SULF1: variants seen among roughly 807,000 people sequenced by gnomAD.
SULF1 encodes the protein sulfatase 1.
A neutral mutation model predicts 110.5 loss-of-function variants in SULF1; 46 were observed. The ratio of observed to expected loss-of-function variants is 0.42; its 90% CI spans 0.33 to 0.53. The LOEUF (loss-of-function observed/expected upper bound fraction) is 0.53, where lower values mean the gene tolerates loss of function less well. Among genes scored for constraint, SULF1 ranks in the 20% least tolerant of loss-of-function variants. The pLI is 0.12. For missense variants in SULF1, 941 were observed against 1,094.2 expected, an observed-to-expected ratio of 0.86 and a Z score of 1.98; for synonymous variants, 371 against 387.1, an observed-to-expected ratio of 0.96 and a Z score of 0.49.
intron 3 of SULF1, among the ~76,000 whole-genome samples, chr8:69,510,699 C>T (rs1201882356): frequency 2.0e-5 from 3 of 151,366 alleles, no homozygotes; most frequent in Non-Finnish European, 1.5e-5. Flanking sequence ...TCACTGCAAC[C>T]TCCGCCTCCT....
intron 3 of SULF1, among the ~76,000 whole-genome samples, chr8:69,532,753 T>G (rs1365345396): frequency 1.3e-5 from 2 of 152,192 alleles, no homozygotes; most frequent in African/African-American, 4.8e-5. Flanking sequence ...GTGCAATAGA[T>G]CTCTAGAACT....
chr8:69,588,606 A>G (rs1806638628), intron 7 of SULF1, among the ~76,000 whole-genome samples: 3 of 152,222 alleles, frequency 2.0e-5, no homozygotes, highest in African/African-American at 4.8e-5. Flanking sequence ...CCAAGGAATT[A>G]CATCAATGAA....
At chr8:69,618,632 T>G (rs1809365238) in intron 13 of SULF1, among the ~76,000 whole-genome samples, 1 of 152,162 alleles carries the variant, frequency 6.6e-6, no homozygotes, top group Non-Finnish European at 1.5e-5. Flanking sequence ...ATGAAGATGC[T>G]AAACGTTCAA....
At chr8:69,576,296 T>C in intron 6 of SULF1, 87 bp downstream of exon 6, 1 of 1,459,626 alleles carries the variant, frequency 6.9e-7, no homozygotes, top group South Asian at 1.3e-5. Flanking sequence ...TGCATGAAGT[T>C]CCAACAAATA....
At chr8:69,620,204 T>C (rs2130542229) in intron 13 of SULF1, among the ~76,000 whole-genome samples, 1 of 152,272 alleles carries the variant, frequency 6.6e-6, no homozygotes, top group South Asian at 2.1e-4. Flanking sequence ...ACGTTCCTCT[T>C]CTGTCTTTCT....
intron 1 of SULF1, among the ~76,000 whole-genome samples, chr8:69,485,481 G>A (rs1809667639): frequency 6.6e-6 from 1 of 152,170 alleles, no homozygotes; most frequent in Non-Finnish European, 1.5e-5. Flanking sequence ...TCACTCCCTT[G>A]GCTGTCTGTC....
chr8:69,630,542 G>A (rs972288645), intron 19 of SULF1, among the ~76,000 whole-genome samples: 9 of 152,014 alleles, frequency 5.9e-5, no homozygotes, highest in African/African-American at 2.2e-4. Flanking sequence ...TTGATTTCAG[G>A]GTCCATGTTT....
Position 69,647,852 on chromosome 8 carries a change from A to G in SULF1, c.2585+7011A>G, listed in dbSNP as rs550616891. 5.3e-5 allele frequency among the ~76,000 whole-genome samples: 8 copies of G among 152,090 alleles called. No individual in the cohort carries two copies. The South Asian group carries it at 1.7e-3, about 32-fold the overall frequency. ...GGTTGCAATGAGCCAAGATCGCGCC[A>G]TTGCACTCCAGCCTGGGCAACAAGA... On this transcript the variant is annotated intron_variant, in intron 22 of 22. Coordinates refer to ENST00000402687, the MANE Select transcript of SULF1 (RefSeq NM_001128205.2).
At chr8:69,535,752 C>G (rs1436101185) in intron 3 of SULF1, among the ~76,000 whole-genome samples, 1 of 152,124 alleles carries the variant, frequency 6.6e-6, no homozygotes, top group Admixed American at 6.5e-5. Context: ...CCATAAGAGG[C>G]CGGGTGAGAT....
At chr8:69,536,554 T>C (rs1813440844) in intron 3 of SULF1, among the ~76,000 whole-genome samples, 1 of 152,198 alleles carries the variant, frequency 6.6e-6, no homozygotes, top group Non-Finnish European at 1.5e-5. Context: ...GTACATTTGG[T>C]TGGAGGGATG....
chr8:69,603,703 C>T (rs371713347), intron 12 of SULF1, 47 bp downstream of exon 12: 2 of 1,264,954 alleles, frequency 1.6e-6, no homozygotes, highest in Non-Finnish European at 2.3e-6. Context: ...TCCTAGTGGG[C>T]AGCTTTCCCT....
intron 3 of SULF1, among the ~76,000 whole-genome samples, chr8:69,541,147 A>T (rs1813824755): frequency 6.6e-6 from 1 of 152,178 alleles, no homozygotes; most frequent in Non-Finnish European, 1.5e-5. Flanking sequence ...GGAAGAAAGG[A>T]TAATGTCTCC....
chr8:69,630,724 A>G (rs573389544), intron 19 of SULF1, among the ~76,000 whole-genome samples: 176 of 152,362 alleles, frequency 1.2e-3, no homozygotes, highest in African/African-American at 4.1e-3. Flanking sequence ...TTCTGTGCTC[A>G]TATTTTAATG....
chr8:69,654,348 A>G (rs1010546825), intron 22 of SULF1, among the ~76,000 whole-genome samples: 4 of 152,312 alleles, frequency 2.6e-5, no homozygotes, highest in Non-Finnish European at 5.9e-5. Flanking sequence ...TCACTAGACT[A>G]CCAATAATAG....
chr8:69,599,600 C>T (rs533807970), intron 8 of SULF1, among the ~76,000 whole-genome samples: 2 of 152,088 alleles, frequency 1.3e-5, no homozygotes, highest in African/African-American at 4.8e-5. Context: ...TGCATAATAC[C>T]CAACACATAT....
At chr8:69,635,021 C>T (rs1810874926) in intron 19 of SULF1, among the ~76,000 whole-genome samples, 1 of 152,164 alleles carries the variant, frequency 6.6e-6, no homozygotes, top group Non-Finnish European at 1.5e-5. Context: ...GTCTCAAACT[C>T]CTGAACTCAG....
At chr8:69,631,853 C>T (rs1039465334) in intron 19 of SULF1, among the ~76,000 whole-genome samples, 6 of 152,228 alleles carry the variant, frequency 3.9e-5, no homozygotes, top group Non-Finnish European at 5.9e-5. Flanking sequence ...CTAGGGTCCG[C>T]CCATTTGATA....
chr8:69,640,883 A>G, intron 22 of SULF1, 42 bp downstream of exon 22: 1 of 1,590,092 alleles, frequency 6.3e-7, no homozygotes, highest in Non-Finnish European at 8.6e-7. Flanking sequence ...TTCTTCCCCA[A>G]TAATTGCATG....
chr8:69,475,769 T>G (rs1356365536), intron 1 of SULF1, among the ~76,000 whole-genome samples: 1 of 152,236 alleles, frequency 6.6e-6, no homozygotes, highest in Non-Finnish European at 1.5e-5. Context: ...ATATATGTGC[T>G]GCTGAAGCAA....
Sources: gnomAD v4.1 joint callset for allele counts (sites outside exome capture counted in the v4.1 genomes callset) on GRCh38, gnomAD v4.1.1 for gene constraint, MANE v1.5 for transcripts, NCBI Gene and HGNC (gene_info 2026-07-23, HGNC 2026-07-21) for gene names.